The following ASIC2 variants were observed in gnomAD, a reference collection of about 807,000 sequenced individuals.
ASIC2 encodes the protein acid sensing ion channel subunit 2.
In ASIC2, 25 loss-of-function variants were observed where a neutral mutation model predicts 57.3. The ratio of observed to expected loss-of-function variants is 0.44; its 90% CI spans 0.32 to 0.61. The LOEUF is 0.61. Among genes scored for constraint, ASIC2 ranks in the 20% least tolerant of loss-of-function variants. ASIC2 has a pLI of 0.06. For synonymous variants in ASIC2, 319 were observed against 307.5 expected (o/e 1.04, Z -0.39); for missense variants, 641 against 738.1 (o/e 0.87, Z 1.52).
chr17:33,683,649 CT>C (rs1908080985), intron 1 of ASIC2, among the ~76,000 whole-genome samples: 1 of 152,182 alleles, frequency 6.6e-6, no homozygotes, highest in Non-Finnish European at 1.5e-5. Context: ...TCAAATGATC[CT>C]CCTGCCTCAG....
intron 1 of ASIC2, among the ~76,000 whole-genome samples, chr17:33,353,001 A>C (rs973232561): frequency 2.0e-5 from 3 of 152,128 alleles, no homozygotes; most frequent in Admixed American, 6.6e-5. Flanking sequence ...TGCACCAATA[A>C]CATTTACCCA....
intron 1 of ASIC2, among the ~76,000 whole-genome samples, chr17:33,426,702 T>C (rs1374600781): frequency 1.3e-5 from 2 of 152,238 alleles, no homozygotes; most frequent in Non-Finnish European, 1.5e-5. Context: ...AGAAGTTCCT[T>C]GTGAGGACCT....
Position 33,213,025 on chromosome 17 carries a change from C to T in ASIC2, c.708+78383G>A, listed in dbSNP as rs372234273. Among the ~76,000 whole-genome samples the T allele has an allele frequency of 4.7e-4, 72 of 152,296 alleles. No individual in the cohort carries two copies. In the South Asian group the frequency reaches 7.2e-3, roughly 15 times the overall value. On this transcript the variant is annotated intron_variant, in intron 1 of 9. Coordinates refer to ENST00000225823, the MANE Select transcript of ASIC2 (RefSeq NM_183377.2). ...ATATCTATGTGCTAAGCAAACTAAT[C>T]GTATAAACACAGTTTGGGTAGAATA...
At chr17:33,117,074 G>A (rs1164952062) in intron 1 of ASIC2, among the ~76,000 whole-genome samples, 3 of 151,486 alleles carry the variant, frequency 2.0e-5, no homozygotes, top group African/African-American at 4.9e-5. Flanking sequence ...GGATGGTCTT[G>A]AACTCCTGGG....
chr17:33,738,831 G>C (rs955421501), intron 1 of ASIC2, among the ~76,000 whole-genome samples: 1 of 152,196 alleles, frequency 6.6e-6, no homozygotes, highest in Non-Finnish European at 1.5e-5. Flanking sequence ...GGCTTAGGTG[G>C]CTTAAGTCAG....
At chr17:33,482,467 C>T (rs1913437595) in intron 1 of ASIC2, among the ~76,000 whole-genome samples, 1 of 152,240 alleles carries the variant, frequency 6.6e-6, no homozygotes, top group African/African-American at 2.4e-5. Context: ...GGATTTGCAT[C>T]CCCTATCTTG....
chr17:33,506,575 T>G (rs116397453), intron 1 of ASIC2, among the ~76,000 whole-genome samples: 4,108 of 151,712 alleles, frequency 0.027, 65 homozygotes, highest in African/African-American at 0.043. Context: ...ATTATGGGGG[T>G]GTGTGTGTGT....
At chr17:33,584,088 T>G (rs1270978418) in intron 1 of ASIC2, among the ~76,000 whole-genome samples, 1 of 152,218 alleles carries the variant, frequency 6.6e-6, no homozygotes, top group African/African-American at 2.4e-5. Context: ...AACCGATTTA[T>G]TTTTCCATTT....
At chr17:33,624,603 GGAA>G (rs1229159416) in intron 1 of ASIC2, among the ~76,000 whole-genome samples, 8 of 152,198 alleles carry the variant, frequency 5.3e-5, no homozygotes, top group Non-Finnish European at 1.0e-4. Flanking sequence ...AAGGAGCGTT[GGAA>G]GAAGAGTCTC....
intron 1 of ASIC2, among the ~76,000 whole-genome samples, chr17:33,284,256 G>C (rs1053476774): frequency 6.6e-6 from 1 of 152,170 alleles, no homozygotes. Flanking sequence ...TCATCTATTT[G>C]TTAGCACAGG....
chr17:33,667,168 A>C (rs1180469711), intron 1 of ASIC2, among the ~76,000 whole-genome samples: 3 of 152,154 alleles, frequency 2.0e-5, no homozygotes, highest in African/African-American at 7.2e-5. Flanking sequence ...TATTGGATGC[A>C]CAGTGATCCG....
intron 1 of ASIC2, among the ~76,000 whole-genome samples, chr17:33,781,860 G>A (rs530896760): frequency 1.1e-4 from 17 of 152,234 alleles, no homozygotes; most frequent in Middle Eastern, 3.4e-3. Flanking sequence ...CACCCTGTTC[G>A]TCAGAAATTC....
intron 1 of ASIC2, among the ~76,000 whole-genome samples, chr17:33,752,856 C>A (rs1217462302): frequency 3.3e-5 from 5 of 152,224 alleles, no homozygotes; most frequent in African/African-American, 1.2e-4. Flanking sequence ...GGTGGGAATA[C>A]ACAATGTTGC....
intron 1 of ASIC2, among the ~76,000 whole-genome samples, chr17:33,206,189 G>A (rs929964671): frequency 2.0e-5 from 3 of 152,064 alleles, no homozygotes; most frequent in Non-Finnish European, 4.4e-5. Flanking sequence ...TACTTCCCAC[G>A]AAACAGAAAT....
intron 1 of ASIC2, among the ~76,000 whole-genome samples, chr17:33,687,054 C>T (rs1044834829): frequency 2.0e-5 from 3 of 152,244 alleles, no homozygotes; most frequent in Non-Finnish European, 4.4e-5. Flanking sequence ...GACTGTGTGT[C>T]CTTCGATGAG....
rs931507731 is a variant in ASIC2, at chr17:34,033,690, C to T, written c.555+122288G>A. 2.3e-4 allele frequency among the ~76,000 whole-genome samples: 35 copies of T among 152,244 alleles called. 1 individual carries two copies. Among genetic ancestry groups the T allele is most frequent in the South Asian group, 6.2e-4 (3 of 4,820 alleles). On this transcript the variant is annotated intron_variant, in intron 1 of 9. Transcript: ENST00000359872. Reference sequence around the variant, plus strand: ...AAAATGATGAAGGGGCTATCATCACCGATCCCACAGAAATACAAACTACCA... The same window carrying T: ...AAAATGATGAAGGGGCTATCATCACTGATCCCACAGAAATACAAACTACCA...
At chr17:34,105,033 T>C (rs1247153626) in intron 1 of ASIC2, among the ~76,000 whole-genome samples, 1 of 152,060 alleles carries the variant, frequency 6.6e-6, no homozygotes, top group Non-Finnish European at 1.5e-5. Context: ...CCTCCCTGAA[T>C]GTTTGCTAGA....
At chr17:34,008,019 C>T (rs1443146019) in intron 1 of ASIC2, among the ~76,000 whole-genome samples, 1 of 152,110 alleles carries the variant, frequency 6.6e-6, no homozygotes, top group Non-Finnish European at 1.5e-5. Context: ...ATCATTAGTT[C>T]TTCCTTTAGC....
intron 1 of ASIC2, among the ~76,000 whole-genome samples, chr17:33,195,691 C>T (rs1906595383): frequency 6.6e-6 from 1 of 152,204 alleles, no homozygotes; most frequent in Admixed American, 6.5e-5. Flanking sequence ...CGATCATCTT[C>T]ACTGTGCAGA....
Sources: allele counts gnomAD v4.1 joint callset (sites outside exome capture counted in the v4.1 genomes callset), GRCh38; gene constraint gnomAD v4.1.1; transcripts MANE v1.5; gene names NCBI Gene and HGNC (gene_info 2026-07-23, HGNC 2026-07-21).